COL4A5: variants seen among roughly 807,000 people sequenced by gnomAD.
COL4A5 encodes the protein collagen type IV alpha 5 chain.
Under a neutral mutation model 130.2 loss-of-function variants are expected in COL4A5, and 26 were observed. The ratio of observed to expected loss-of-function variants is 0.20; its 90% CI spans 0.15 to 0.28. COL4A5 has a LOEUF of 0.28. Among genes scored for constraint, COL4A5 ranks in the 10% least tolerant of loss-of-function variants. The pLI is 1.00. For synonymous variants in COL4A5, 496 were observed against 439.6 expected (o/e 1.13, Z -1.60); for missense variants, 1,131 against 1,344.3 (o/e 0.84, Z 2.48).
At chrX:108,526,646 TTCTTTC>T (rs1569481169) in intron 1 of COL4A5, among the ~76,000 whole-genome samples, 1 of 68,147 alleles carries the variant, frequency 1.5e-5, no homozygotes, top group East Asian at 5.0e-4. Flanking sequence ...CTTTCTTTCT[TTCTTTC>T]TTTCTTTCTT....
intron 36 of COL4A5, chrX:108,627,453 T>A: frequency 1.3e-6 from 1 of 748,182 alleles, no homozygotes; most frequent in Non-Finnish European, 1.6e-6. Context: ...GTATGCATGC[T>A]ACTCTGTACC....
At chrX:108,484,721 C>T (rs1344004989) in intron 1 of COL4A5, among the ~76,000 whole-genome samples, 1 of 112,671 alleles carries the variant, frequency 8.9e-6, no homozygotes, top group Non-Finnish European at 1.9e-5. Flanking sequence ...CTGTGGCCAC[C>T]ACCCCTGGGA....
intron 1 of COL4A5, among the ~76,000 whole-genome samples, chrX:108,486,544 G>T (rs1384332848): frequency 2.7e-5 from 3 of 111,536 alleles, no homozygotes; most frequent in African/African-American, 9.8e-5. Flanking sequence ...TGTACTCAAT[G>T]TGCAGTCTTT....
chrX:108,469,985 G>T (rs951709730), intron 1 of COL4A5, among the ~76,000 whole-genome samples: 1 of 112,181 alleles, frequency 8.9e-6, no homozygotes, highest in Non-Finnish European at 1.9e-5. Context: ...TTATGGCTGT[G>T]TAGTGTTCCA....
chrX:108,457,556 A>G (rs2064596170), intron 1 of COL4A5, among the ~76,000 whole-genome samples: 1 of 111,459 alleles, frequency 9.0e-6, no homozygotes, highest in African/African-American at 3.3e-5. Context: ...TAGTATTGGT[A>G]TGTTCTTGTC....
intron 35 of COL4A5, 70 bp downstream of exon 35, chrX:108,625,864 C>A: frequency 1.3e-6 from 1 of 785,954 alleles, no homozygotes; most frequent in South Asian, 2.1e-5. Context: ...CTTTTTTTGT[C>A]AGAAAAGAGG....
chrX:108,598,198 TTAAA>T (rs913614754), intron 24 of COL4A5, among the ~76,000 whole-genome samples: 3 of 110,502 alleles, frequency 2.7e-5, no homozygotes, highest in East Asian at 2.8e-4. Flanking sequence ...TCACAATAAA[TTAAA>T]TAAATAAATA....
intron 2 of COL4A5, among the ~76,000 whole-genome samples, chrX:108,546,729 A>G: frequency 9.0e-6 from 1 of 111,367 alleles, no homozygotes; most frequent in East Asian, 2.8e-4. Context: ...CATTCTCCCC[A>G]TCACTTTCAG....
At chrX:108,551,622 A>C (rs1371499228) in intron 2 of COL4A5, among the ~76,000 whole-genome samples, 1 of 112,395 alleles carries the variant, frequency 8.9e-6, no homozygotes, top group East Asian at 2.8e-4. Context: ...GAGATTCTTT[A>C]ATCAGTTCAG....
intron 21 of COL4A5, among the ~76,000 whole-genome samples, chrX:108,595,063 A>G (rs983245355): frequency 2.7e-5 from 3 of 110,417 alleles, no homozygotes; most frequent in African/African-American, 9.9e-5. Flanking sequence ...GGGTTTCGCC[A>G]TGTTGGCCAG....
intron 1 of COL4A5, among the ~76,000 whole-genome samples, chrX:108,453,459 A>G (rs1380689843): frequency 1.8e-5 from 2 of 111,826 alleles, no homozygotes; most frequent in African/African-American, 6.5e-5. Context: ...TGGAAAATAT[A>G]AGTAATTTTC....
chrX:108,532,012 G>T (rs1298520531), intron 1 of COL4A5, among the ~76,000 whole-genome samples: 1 of 111,071 alleles, frequency 9.0e-6, no homozygotes, highest in Non-Finnish European at 1.9e-5. Context: ...AATCGTACAA[G>T]ACAGAAATAA....
In COL4A5 at chrX:108,588,584, G is replaced by C. The variant is rs141402640; in HGVS notation, c.1165+1837G>C. ...GGTCAAGGAGGAGAGAATGGGACAA[G>C]AGGCAGCATTTGAAAAAAAATAATG... On this transcript the variant is annotated intron_variant, in intron 19 of 52. Transcript: ENST00000328300. Among the ~76,000 whole-genome samples the C allele has an allele frequency of 4.7e-4, 52 of 110,327 alleles. No homozygotes were observed. The East Asian group carries it at 0.014, about 29-fold the overall frequency.
chrX:108,569,010 T>C, intron 6 of COL4A5, 189 bp downstream of exon 6: 1 of 422,610 alleles, frequency 2.4e-6, no homozygotes, highest in East Asian at 3.8e-5. Flanking sequence ...ACATGTATAA[T>C]TAGCTGGGAT....
chrX:108,615,085 C>A, intron 30 of COL4A5, 61 bp downstream of exon 30: 1 of 811,888 alleles, frequency 1.2e-6, no homozygotes. Context: ...GTTAGCTCAT[C>A]AATAAAGTGA....
At chrX:108,541,367 A>G (rs1362302479) in intron 2 of COL4A5, among the ~76,000 whole-genome samples, 10 of 112,420 alleles carry the variant, frequency 8.9e-5, no homozygotes, top group Admixed American at 6.6e-4. Flanking sequence ...TGGACAAAAT[A>G]TAACAGCTAC....
intron 21 of COL4A5, among the ~76,000 whole-genome samples, chrX:108,592,975 T>C (rs1321317913): frequency 9.0e-6 from 1 of 111,510 alleles, no homozygotes; most frequent in Admixed American, 9.6e-5. Flanking sequence ...CTGGTTTCTT[T>C]AGCTAAATAT....
intron 1 of COL4A5, among the ~76,000 whole-genome samples, chrX:108,536,492 G>A (rs745612362): frequency 1.4e-4 from 16 of 110,935 alleles, no homozygotes; most frequent in Admixed American, 2.9e-4. Context: ...CAGTGATTTC[G>A]AAAAATTAGT....
At chrX:108,690,502 C>T (rs1377143382) in intron 49 of COL4A5, among the ~76,000 whole-genome samples, 1 of 111,767 alleles carries the variant, frequency 8.9e-6, no homozygotes, top group Non-Finnish European at 1.9e-5. Context: ...AAGCATACCC[C>T]TTTGAATATA....
Sources: allele counts gnomAD v4.1 joint callset (sites outside exome capture counted in the v4.1 genomes callset), GRCh38; gene constraint gnomAD v4.1.1; transcripts MANE v1.5; gene names NCBI Gene and HGNC (gene_info 2026-07-23, HGNC 2026-07-21).